The following NRG3 variants were observed in gnomAD, a reference collection of about 807,000 sequenced individuals.
NRG3 encodes pro-neuregulin-3, membrane-bound isoform.
In NRG3, 31 loss-of-function variants were observed where a neutral mutation model predicts 66.9. The ratio of observed to expected loss-of-function variants is 0.46; its 90% CI spans 0.35 to 0.63. The LOEUF is 0.63. NRG3 is among the 20% of genes least tolerant of loss of function. The pLI is 0.00. For synonymous variants in NRG3, 393 were observed against 359.4 expected, an observed-to-expected ratio of 1.09 and a Z score of -1.06; for missense variants, 910 against 878.9, an observed-to-expected ratio of 1.04 and a Z score of -0.45.
intron 1 of NRG3, among the ~76,000 whole-genome samples, chr10:81,909,167 T>C (rs1844878857): frequency 6.6e-6 from 1 of 152,214 alleles, no homozygotes; most frequent in South Asian, 2.1e-4. Context: ...GATTTATCCC[T>C]CCAATCTCCA....
At chr10:82,166,195 T>C (rs1334585094) in intron 1 of NRG3, among the ~76,000 whole-genome samples, 1 of 151,970 alleles carries the variant, frequency 6.6e-6, no homozygotes, top group Non-Finnish European at 1.5e-5. Flanking sequence ...GCTAATTTTG[T>C]ATTTTTAGTA....
intron 1 of NRG3, among the ~76,000 whole-genome samples, chr10:81,906,802 T>TG (rs1362615209): frequency 6.6e-6 from 1 of 152,080 alleles, no homozygotes; most frequent in African/African-American, 2.4e-5. Flanking sequence ...ACAGTGGTCT[T>TG]GGTGAAAGAT....
chr10:82,188,747 A>T lies in NRG3; in HGVS notation c.824-169992A>T, dbSNP rs1311861700. Among the ~76,000 whole-genome samples the T allele has an allele frequency of 2.0e-5, 3 of 152,222 alleles. No individual in the cohort carries two copies. In the East Asian group the frequency reaches 5.8e-4, roughly 29 times the overall value. On this transcript the variant is annotated intron_variant, in intron 1 of 8. Transcript: ENST00000372141. The stretch of plus-strand genomic sequence containing the variant: ...TCAAAGAAGTGCACATTAAAACTAC[A>T]ATGAGATAGAAGGTGGTGTACCAGA...
At chr10:82,338,467 G>T (rs1274245651) in intron 1 of NRG3, among the ~76,000 whole-genome samples, 5 of 151,138 alleles carry the variant, frequency 3.3e-5, no homozygotes, top group African/African-American at 7.3e-5. Flanking sequence ...TGACAGTCAC[G>T]CATGCCTTGT....
chr10:82,375,004 C>G (rs561911593), intron 2 of NRG3, among the ~76,000 whole-genome samples: 1 of 152,198 alleles, frequency 6.6e-6, no homozygotes, highest in Admixed American at 6.5e-5. Flanking sequence ...TTTTAAAAGC[C>G]AACTGTTTCC....
intron 3 of NRG3, among the ~76,000 whole-genome samples, chr10:82,864,853 A>T (rs1840552681): frequency 6.6e-6 from 1 of 152,208 alleles, no homozygotes; most frequent in Admixed American, 6.5e-5. Context: ...CCTATGTAAG[A>T]GTTTTAATCT....
intron 2 of NRG3, among the ~76,000 whole-genome samples, chr10:82,451,461 C>T (rs2091014358): frequency 6.6e-6 from 1 of 152,122 alleles, no homozygotes; most frequent in Non-Finnish European, 1.5e-5. Context: ...TAAATATTAA[C>T]ATTAGAAAAT....
At chr10:82,645,371 C>T (rs566763239) in intron 2 of NRG3, among the ~76,000 whole-genome samples, 12 of 152,234 alleles carry the variant, frequency 7.9e-5, no homozygotes, top group Admixed American at 6.5e-4. Context: ...TCTTGGAATG[C>T]CTTGTGACAG....
chr10:82,040,448 A>G (rs191522933), intron 1 of NRG3, among the ~76,000 whole-genome samples: 80 of 151,998 alleles, frequency 5.3e-4, no homozygotes, highest in African/African-American at 1.7e-3. Context: ...TTTCTTTTTT[A>G]TCCATGAGGA....
intron 1 of NRG3, among the ~76,000 whole-genome samples, chr10:82,198,299 T>TTTTGA (rs2074555788): frequency 4.9e-5 from 2 of 41,080 alleles, no homozygotes; most frequent in Admixed American, 4.1e-4. Flanking sequence ...ACAGTTTTGT[T>TTTTGA]TTTGTTTTGT....
intron 1 of NRG3, among the ~76,000 whole-genome samples, chr10:82,109,766 C>T (rs965087068): frequency 2.0e-5 from 3 of 152,028 alleles, no homozygotes; most frequent in Non-Finnish European, 4.4e-5. Context: ...CCTGAATCTT[C>T]GCATTTAATC....
In NRG3 at chr10:82,946,349, G is replaced by A. The variant is rs1249950346; in HGVS notation, c.1055-5120G>A. On this transcript the variant is annotated intron_variant, in intron 4 of 8. Coordinates refer to ENST00000372141, the MANE Select transcript of NRG3 (RefSeq NM_001010848.4). The stretch of plus-strand genomic sequence containing the variant: ...AGGTCAAGAGATCGAGACTAGCCTG[G>A]CCAAGATTGTGAAACCCGGTCTCTA... Among the ~76,000 whole-genome samples, 4 of 151,946 alleles carry A rather than the reference G, an allele frequency of 2.6e-5. No individual in the cohort carries two copies. In the East Asian group the frequency reaches 5.8e-4, roughly 22 times the overall value.
In NRG3 at chr10:82,537,611, T is replaced by C. The variant is rs557491703; in HGVS notation, c.953+178743T>C. Among the ~76,000 whole-genome samples, 4 of 152,302 alleles carry C rather than the reference T, an allele frequency of 2.6e-5. No homozygotes were observed. The East Asian group carries it at 7.7e-4, about 29-fold the overall frequency. Reference sequence around the variant, plus strand: ...TGAGCAAAAGATATTTTAAATTACATAAAAGTGTTATACAGCCTTCAAGTA... The same window carrying C: ...TGAGCAAAAGATATTTTAAATTACACAAAAGTGTTATACAGCCTTCAAGTA... On this transcript the variant is annotated intron_variant, in intron 2 of 8. Transcript: ENST00000372141.
At chr10:82,472,433 A>C (rs371292047) in intron 2 of NRG3, among the ~76,000 whole-genome samples, 314 of 152,360 alleles carry the variant, frequency 2.1e-3, no homozygotes, top group African/African-American at 7.2e-3. Context: ...AGAGAGATTG[A>C]GATTAAGAGA....
chr10:82,929,464 C>T (rs756015426), intron 4 of NRG3, among the ~76,000 whole-genome samples: 22 of 152,268 alleles, frequency 1.4e-4, no homozygotes, highest in Non-Finnish European at 2.6e-4. Flanking sequence ...TGCCTGCGGA[C>T]GTGTTTACTG....
intron 1 of NRG3, among the ~76,000 whole-genome samples, chr10:82,243,421 T>G (rs2077088907): frequency 1.3e-5 from 2 of 152,074 alleles, no homozygotes; most frequent in South Asian, 2.1e-4. Flanking sequence ...ACAATACAAG[T>G]GCCCCACCAC....
At position 82,920,174 on chromosome 10, in the gene NRG3, TAAGTACTGTACTCTAGTTGATA is replaced by T. The variant is rs542314966; in HGVS notation, c.1055-31265_1055-31244del. Among the ~76,000 whole-genome samples, 916 of 151,584 alleles carry T rather than the reference TAAGTACTGTACTCTAGTTGATA, an allele frequency of 6.0e-3. 11 individuals carry two copies. The highest frequency in any genetic ancestry group is 0.021 in the African/African-American group (861 of 40,890). On this transcript the variant is annotated intron_variant, in intron 4 of 8. Coordinates refer to ENST00000372141, the MANE Select transcript of NRG3 (RefSeq NM_001010848.4). ...AACTAGAGGCTGAAGGAACTGTACG[TAAGTACTGTACTCTAGTTGATA>T]AAGTACTGTACTCTAGTTGATAAAG...
intron 2 of NRG3, among the ~76,000 whole-genome samples, chr10:82,415,810 C>T (rs979980309): frequency 6.6e-6 from 1 of 152,036 alleles, no homozygotes; most frequent in Non-Finnish European, 1.5e-5. Flanking sequence ...TCATAAATAA[C>T]AAAATGATGC....
At chr10:82,150,526 CACACAA>C (rs1385873928) in intron 1 of NRG3, among the ~76,000 whole-genome samples, 134 of 17,124 alleles carry the variant, frequency 7.8e-3, no homozygotes, top group African/African-American at 0.019. Flanking sequence ...AAAAAGAGCA[CACACAA>C]AAAAAAAAAA....
Sources: gnomAD v4.1 joint callset for allele counts (sites outside exome capture counted in the v4.1 genomes callset) on GRCh38, gnomAD v4.1.1 for gene constraint, MANE v1.5 for transcripts, NCBI Gene and HGNC (gene_info 2026-07-23, HGNC 2026-07-21) for gene names.